QSER1: variants seen among roughly 807,000 people sequenced by gnomAD.
QSER1 encodes the protein glutamine and serine rich 1, also known as glutamine and serine-rich protein 1.
A neutral mutation model predicts 158.5 loss-of-function variants in QSER1; 49 were observed. That is an observed-to-expected ratio of 0.31 (90% CI 0.25 to 0.39). The LOEUF is 0.39. QSER1 is among the 10% of genes least tolerant of loss of function. The pLI is 1.00. For synonymous variants in QSER1, 650 were observed against 715.5 expected (o/e 0.91, Z 1.46); for missense variants, 1,754 against 2,010.3 (o/e 0.87, Z 2.44).
At position 32,927,962 on chromosome 11, in the gene QSER1, G is replaced by A. The variant is rs1276697979; in HGVS notation, c.323G>A (p.Gly108Asp). 1 of 766,056 alleles carries A rather than the reference G, an allele frequency of 1.3e-6. No individual in the cohort carries two copies. The highest frequency in any genetic ancestry group is 1.8e-5 in the African/African-American group (1 of 55,814). The allele number at this position is 766,056 out of a possible 1,614,324, so 47.5% of individuals were successfully genotyped here. A position where few individuals can be genotyped will look rare whatever the true frequency, so the allele number is the denominator to read the frequency against. The change falls in exon 3 of 13, where the codon GGT becomes GAT. Residue 108 changes from glycine to aspartate, a missense_variant and splice_region_variant. Coordinates refer to ENST00000650167, the MANE Select transcript of QSER1 (RefSeq NM_001076786.3). ...GGATATATTTTATCTTCAAATTTAGGTCTTTCTGGAATATTTGATACTAGT... is the reference window on the plus strand; with the variant it reads ...GGATATATTTTATCTTCAAATTTAGATCTTTCTGGAATATTTGATACTAGT... ...PGYAPTPQPTGLSGIFDTSVN... is the reference protein window; with the variant it reads ...PGYAPTPQPTDLSGIFDTSVN...
intron 1 of QSER1, among the ~76,000 whole-genome samples, chr11:32,911,319 G>T (rs1363203866): frequency 6.6e-6 from 1 of 152,120 alleles, no homozygotes; most frequent in African/African-American, 2.4e-5. Flanking sequence ...GAACTTAAGA[G>T]TATGGGTCAG....
At chr11:32,959,575 G>C (rs1852584834) in intron 8 of QSER1, among the ~76,000 whole-genome samples, 1 of 152,152 alleles carries the variant, frequency 6.6e-6, no homozygotes, top group African/African-American at 2.4e-5. Flanking sequence ...GAGATATTCA[G>C]GATGTAATTT....
In QSER1 at chr11:32,934,537, A is replaced by T. The variant is rs1446965825; in HGVS notation, c.3279A>T (p.Gly1093=). 2.5e-6 allele frequency: 4 copies of T among 1,613,574 alleles called. No individual in the cohort carries two copies. The highest frequency in any genetic ancestry group is 2.5e-6 in the Non-Finnish European group (3 of 1,179,966). Residue 1093 remains glycine, a synonymous_variant, in exon 4 of 13, where the codon GGA becomes GGT. Transcript: ENST00000650167. ...CTAAAGTAACTTCAGCAGTGGTTGG[A>T]CCAAGTCATGAAGTCCAGGAGCAAA... ...IPTKVTSAVV[G]PSHEVQEQSS...
At chr11:32,967,259 T>C (rs998024833) in intron 9 of QSER1, among the ~76,000 whole-genome samples, 14 of 152,266 alleles carry the variant, frequency 9.2e-5, no homozygotes, top group African/African-American at 3.4e-4. Context: ...TTCTCACTTA[T>C]AAGTGGGAGC....
At chr11:32,911,009 G>T (rs542876685) in intron 1 of QSER1, among the ~76,000 whole-genome samples, 52 of 152,292 alleles carry the variant, frequency 3.4e-4, no homozygotes, top group African/African-American at 1.3e-3. Flanking sequence ...TTATAGCTGT[G>T]CTTGATTTAT....
At chr11:32,974,578 C>T (rs769240580) in intron 11 of QSER1, among the ~76,000 whole-genome samples, 8 of 152,174 alleles carry the variant, frequency 5.3e-5, no homozygotes, top group Non-Finnish European at 1.0e-4. Context: ...TGTCATACTA[C>T]GTGCTTTTTA....
In QSER1 at chr11:32,977,580, A is replaced by G. The variant is rs1321339700; in HGVS notation, c.*1106A>G. On this transcript the variant is annotated 3_prime_UTR_variant, in exon 13 of 13. Coordinates refer to ENST00000650167, the MANE Select transcript of QSER1 (RefSeq NM_001076786.3). ...TGCAGTGTTAAACACAGCTTCCTTA[A>G]CTCTTAGAACTGGAAGTTGTAGAGC... The G allele has an allele frequency of 6.6e-6, 1 of 152,608 alleles. No homozygotes were observed. The allele number at this position is 152,608 out of a possible 1,614,324, so 9.5% of individuals were successfully genotyped here. A position where few individuals can be genotyped will look rare whatever the true frequency, so the allele number is the denominator to read the frequency against.
chr11:32,954,068 T>C lies in QSER1; in HGVS notation c.4389T>C (p.Thr1463=), dbSNP rs1852469688. Residue 1463 remains threonine, a synonymous_variant, in exon 5 of 13, where the codon ACT becomes ACC. Transcript: ENST00000650167. The part of the protein sequence containing the change: ...PSDQFAKGQD[T]VAIEGFTDEE... Reference sequence around the variant, plus strand: ...ACCAGTTTGCAAAAGGACAGGACACTGTTGCCATAGAAGGTTTTACAGATG... The same window carrying C: ...ACCAGTTTGCAAAAGGACAGGACACCGTTGCCATAGAAGGTTTTACAGATG... The C allele has an allele frequency of 1.2e-6, 2 of 1,614,050 alleles. No individual in the cohort carries two copies. The highest frequency in any genetic ancestry group is 2.2e-5 in the South Asian group (2 of 91,090).
rs1038792827 is a variant in QSER1, at chr11:32,963,418, C to G, written c.4970-2882C>G. Among the ~76,000 whole-genome samples the G allele has an allele frequency of 2.0e-5, 3 of 151,876 alleles. No individual in the cohort carries two copies. In the East Asian group the frequency reaches 5.8e-4, roughly 30 times the overall value. On this transcript the variant is annotated intron_variant, in intron 8 of 12. Transcript: ENST00000650167. ...TCGTCCAGGCTGGAGTGCAGTGGCGCGATCTCGGCTCACTGCACCGCCTCC... is the reference window on the plus strand; with the variant it reads ...TCGTCCAGGCTGGAGTGCAGTGGCGGGATCTCGGCTCACTGCACCGCCTCC...
intron 8 of QSER1, among the ~76,000 whole-genome samples, chr11:32,962,063 G>C (rs1414262533): frequency 6.6e-6 from 1 of 152,138 alleles, no homozygotes; most frequent in Non-Finnish European, 1.5e-5. Context: ...CCATCAAACT[G>C]TTTTCCACAT....
intron 1 of QSER1, among the ~76,000 whole-genome samples, chr11:32,908,422 C>G (rs1851721166): frequency 6.6e-6 from 1 of 152,174 alleles, no homozygotes; most frequent in Admixed American, 6.5e-5. Flanking sequence ...ACATCTGTCT[C>G]TTTTTGTTGT....
rs1280167007 is a variant in QSER1 at position 32,931,887 on chromosome 11, A to G, written c.629A>G (p.Gln210Arg). The G allele has an allele frequency of 6.2e-7, 1 of 1,614,178 alleles. No individual in the cohort carries two copies. Among genetic ancestry groups the G allele is most frequent in the East Asian group, 2.2e-5 (1 of 44,870 alleles). Residue 210 changes from glutamine (Q) to arginine (R), a missense_variant, in exon 4 of 13, where the codon CAG (glutamine) becomes CGG (arginine). Coordinates refer to ENST00000650167, the MANE Select transcript of QSER1 (RefSeq NM_001076786.3). ...GCTACCACTTCACCTTTGGTGCTTC[A>G]GGATTCAACTTTTAACACTACATCA... is the stretch of plus-strand genomic sequence containing the variant. ...NFATTSPLVLQDSTFNTTSNG... is the reference protein window; with the variant it reads ...NFATTSPLVLRDSTFNTTSNG...
chr11:32,925,703 T>A (rs548606018), intron 1 of QSER1, among the ~76,000 whole-genome samples: 15 of 151,778 alleles, frequency 9.9e-5, no homozygotes, highest in South Asian at 2.1e-4. Flanking sequence ...AATTTTTGTA[T>A]TTTTAGTAGA....
intron 7 of QSER1, among the ~76,000 whole-genome samples, chr11:32,957,630 G>A (rs1385125757): frequency 6.6e-6 from 1 of 152,106 alleles, no homozygotes; most frequent in Non-Finnish European, 1.5e-5. Flanking sequence ...TAGAAATAAG[G>A]ACTGAACTAA....
intron 4 of QSER1, among the ~76,000 whole-genome samples, chr11:32,952,230 T>C (rs1852434387): frequency 6.6e-6 from 1 of 152,262 alleles, no homozygotes; most frequent in Admixed American, 6.5e-5. Flanking sequence ...ATATACAGTT[T>C]TCACCACTAA....
At chr11:32,906,433 A>G (rs985120384) in intron 1 of QSER1, among the ~76,000 whole-genome samples, 1 of 152,048 alleles carries the variant, frequency 6.6e-6, no homozygotes, top group Non-Finnish European at 1.5e-5. Context: ...TTTAAGAGAC[A>G]GGGTCTTACT....
chr11:32,973,978 AGT>A (rs564406389), intron 11 of QSER1, among the ~76,000 whole-genome samples: 69 of 152,348 alleles, frequency 4.5e-4, no homozygotes, highest in Non-Finnish European at 9.0e-4. Context: ...TAGATAAGTA[AGT>A]GTGCAGAACA....
chr11:32,955,297 A>AGGC lies in QSER1; in HGVS notation c.4503_4505dup (p.Ala1502dup). ...TATCATTAATTCTGGTTATTACAGG[A>AGGC]GGCTTTAAAAACAGGAAAAGAACCT... On this transcript the variant is annotated inframe_insertion and splice_region_variant, in exon 6 of 13. Transcript: ENST00000650167. 1 of 1,504,838 alleles carries AGGC rather than the reference A, an allele frequency of 6.6e-7. No homozygotes were observed. Among genetic ancestry groups the AGGC allele is most frequent in the Non-Finnish European group, 9.2e-7 (1 of 1,092,542 alleles). The allele number at this position is 1,504,838 out of a possible 1,614,324, so 93.2% of individuals were successfully genotyped here.
chr11:32,947,219 C>A (rs926916950), intron 4 of QSER1, among the ~76,000 whole-genome samples: 3 of 152,160 alleles, frequency 2.0e-5, no homozygotes, highest in African/African-American at 7.2e-5. Context: ...AGCTGTAGAC[C>A]GGAGCTGTTC....
Sources: allele counts gnomAD v4.1 joint callset (sites outside exome capture counted in the v4.1 genomes callset), GRCh38; gene constraint gnomAD v4.1.1; transcripts MANE v1.5; gene names NCBI Gene and HGNC (gene_info 2026-07-23, HGNC 2026-07-21).